The following ENTPD5 variants were observed in gnomAD, a reference collection of about 807,000 sequenced individuals.
ENTPD5 encodes nucleoside diphosphate phosphatase ENTPD5.
A neutral mutation model predicts 60.2 loss-of-function variants in ENTPD5; 49 were observed. The observed-to-expected ratio is 0.81, with a 90% CI of 0.65 to 1.03. The LOEUF (loss-of-function observed/expected upper bound fraction) is 1.03, where lower values mean the gene tolerates loss of function less well. Among genes scored for constraint, ENTPD5 ranks in the 50% least tolerant of loss-of-function variants. ENTPD5 has a pLI of 0.00. For missense variants in ENTPD5, 480 were observed against 507.6 expected (o/e 0.95, Z 0.52); for synonymous variants, 187 against 185.4 (o/e 1.01, Z -0.07).
chr14:73,962,849 T>A, downstream of ENTPD5: 1 of 861,662 alleles, frequency 1.2e-6, no homozygotes, highest in Non-Finnish European at 1.9e-6. Flanking sequence ...ATATTTTTCT[T>A]TTTTTAGCTG....
chr14:73,967,414 T>C (rs912858233), intron 15 of ENTPD5, among the ~76,000 whole-genome samples: 13 of 152,234 alleles, frequency 8.5e-5, no homozygotes, highest in African/African-American at 3.1e-4. Flanking sequence ...AGAAAGAGCA[T>C]GGTCAGGAGG....
At chr14:73,990,052 G>A (rs1221231457) in intron 3 of ENTPD5, among the ~76,000 whole-genome samples, 2 of 151,764 alleles carry the variant, frequency 1.3e-5, no homozygotes, top group East Asian at 3.9e-4. Flanking sequence ...AGGTATGGTG[G>A]CACATGCCTA....
intron 14 of ENTPD5, among the ~76,000 whole-genome samples, chr14:73,971,189 A>T (rs1267366830): frequency 6.7e-6 from 1 of 148,388 alleles, no homozygotes; most frequent in African/African-American, 2.5e-5. Flanking sequence ...GTGGAGTCTC[A>T]CTCTGTTGCT....
downstream of ENTPD5, chr14:73,962,844 T>C: frequency 1.3e-6 from 1 of 786,492 alleles, no homozygotes; most frequent in South Asian, 1.6e-5. Flanking sequence ...TATGTATATT[T>C]TTCTTTTTTT....
chr14:73,981,612 T>C (rs551981805), intron 6 of ENTPD5, among the ~76,000 whole-genome samples: 59 of 152,112 alleles, frequency 3.9e-4, no homozygotes, highest in African/African-American at 1.4e-3. Flanking sequence ...AAACCAAGCC[T>C]GGGCAACATG....
chr14:73,957,583 G>A (rs1348961814), downstream of ENTPD5, among the ~76,000 whole-genome samples: 1 of 152,074 alleles, frequency 6.6e-6, no homozygotes. Context: ...GACGACAGGT[G>A]CGCACCATCA....
At chr14:74,015,487 A>G (rs2058990473) in intron 2 of ENTPD5, among the ~76,000 whole-genome samples, 1 of 151,236 alleles carries the variant, frequency 6.6e-6, no homozygotes, top group African/African-American at 2.4e-5. Flanking sequence ...GAGTAGCTGG[A>G]ACTACAGGTA....
chr14:74,017,715 GTC>G (rs2059080542), intron 1 of ENTPD5, among the ~76,000 whole-genome samples: 1 of 140,194 alleles, frequency 7.1e-6, no homozygotes, highest in Admixed American at 7.1e-5. Flanking sequence ...GTGAAACTCT[GTC>G]TCTACCAAAA....
At chr14:73,955,409 C>T, downstream of ENTPD5, 1 of 1,528,410 alleles carries the variant, frequency 6.5e-7, no homozygotes, top group Non-Finnish European at 9.1e-7. Flanking sequence ...GAGCCCAGGT[C>T]CTTGTGAAGT....
Position 73,966,293 on chromosome 14 carries a change from G to GT in ENTPD5, c.*634dup, listed in dbSNP as rs1181122734. 2 of 152,180 alleles carry GT rather than the reference G, an allele frequency of 1.3e-5. No homozygotes were observed. Among genetic ancestry groups the GT allele is most frequent in the African/African-American group, 4.8e-5 (2 of 41,442 alleles). The allele number at this position is 152,180 out of a possible 1,614,324, so 9.4% of individuals were successfully genotyped here. A position where few individuals can be genotyped will look rare whatever the true frequency, so the allele number is the denominator to read the frequency against. On this transcript the variant is annotated 3_prime_UTR_variant, in exon 16 of 16. Transcript: ENST00000334696. ...CCCAAAACATGTCCCCAGAGACCGG[G>GT]TGGCCTTCTTTCTTAAGGCTGTAAT...
At chr14:74,012,529 T>C (rs1401434103) in intron 2 of ENTPD5, among the ~76,000 whole-genome samples, 4 of 152,200 alleles carry the variant, frequency 2.6e-5, no homozygotes, top group Non-Finnish European at 5.9e-5. Flanking sequence ...TCTCAAAATT[T>C]TCATTAATGT....
At chr14:73,991,169 TTAAG>T (rs1429130179) in intron 3 of ENTPD5, among the ~76,000 whole-genome samples, 2 of 152,160 alleles carry the variant, frequency 1.3e-5, no homozygotes, top group Non-Finnish European at 2.9e-5. Flanking sequence ...ACAAAAACAA[TTAAG>T]TGCTTTTTGT....
Position 73,965,105 on chromosome 14 carries a change from T to C in ENTPD5, c.*1823A>G, listed in dbSNP as rs777322926. 1.3e-5 allele frequency: 2 copies of C among 152,176 alleles called. No individual in the cohort carries two copies. Among genetic ancestry groups the C allele is most frequent in the Admixed American group, 1.3e-4 (2 of 15,272 alleles). The allele number at this position is 152,176 out of a possible 1,614,324, so 9.4% of individuals were successfully genotyped here. A position where few individuals can be genotyped will look rare whatever the true frequency, so the allele number is the denominator to read the frequency against. On this transcript the variant is annotated 3_prime_UTR_variant, in exon 16 of 16. Coordinates refer to ENST00000334696, the MANE Select transcript of ENTPD5 (RefSeq NM_001249.5). ...TGTGAAGTCTAAAGAAATTCCACAA[T>C]GAATTTAAAGACAAGAATTTTAGGG...
intron 3 of ENTPD5, among the ~76,000 whole-genome samples, chr14:74,001,509 A>G (rs1476899565): frequency 1.3e-5 from 2 of 151,650 alleles, no homozygotes; most frequent in Non-Finnish European, 2.9e-5. Context: ...CCCAAAAAAA[A>G]AGAAAAAAAT....
intron 5 of ENTPD5, among the ~76,000 whole-genome samples, chr14:73,984,830 C>T (rs887755734): frequency 7.9e-5 from 12 of 151,896 alleles, no homozygotes; most frequent in Admixed American, 2.6e-4. Flanking sequence ...ACATGTGCCA[C>T]GTTGGTGGGC....
chr14:74,008,216 C>T (rs904094775), intron 3 of ENTPD5, among the ~76,000 whole-genome samples: 2 of 152,002 alleles, frequency 1.3e-5, no homozygotes, highest in African/African-American at 4.8e-5. Flanking sequence ...GAGCATGGAA[C>T]CTCCTGGGGG....
chr14:73,997,560 A>G (rs980947767), intron 3 of ENTPD5, among the ~76,000 whole-genome samples: 4 of 152,190 alleles, frequency 2.6e-5, no homozygotes, highest in Non-Finnish European at 4.4e-5. Flanking sequence ...GAAATTTTTA[A>G]ACAGTAAGCT....
intron 6 of ENTPD5, among the ~76,000 whole-genome samples, chr14:73,982,739 G>C (rs2057743855): frequency 6.6e-6 from 1 of 152,082 alleles, no homozygotes; most frequent in Non-Finnish European, 1.5e-5. Context: ...CTGGGTGACA[G>C]AGTGAGACTC....
downstream of ENTPD5, chr14:73,958,928 A>G (rs1268067502): frequency 1.9e-6 from 3 of 1,611,540 alleles, no homozygotes; most frequent in Admixed American, 1.7e-5. Flanking sequence ...GAAGCAGTTT[A>G]TGAAGAGGCT....
Sources: allele counts gnomAD v4.1 joint callset (sites outside exome capture counted in the v4.1 genomes callset), GRCh38; gene constraint gnomAD v4.1.1; transcripts MANE v1.5; gene names NCBI Gene and HGNC (gene_info 2026-07-23, HGNC 2026-07-21).